The following ACACA variants were observed in gnomAD, a reference collection of about 807,000 sequenced individuals.
ACACA encodes the protein acetyl-CoA carboxylase alpha.
ACACA carries 103 observed loss-of-function variants against 296.1 expected under a neutral mutation model. The observed-to-expected ratio is 0.35, with a 90% CI of 0.30 to 0.41. ACACA has a LOEUF of 0.41. Ranked by LOEUF, ACACA falls within the 10% of genes least tolerant of loss-of-function variation. ACACA has a pLI of 1.00. For missense variants in ACACA, 1,554 were observed against 2,989.7 expected, an observed-to-expected ratio of 0.52 and a Z score of 11.20; for synonymous variants, 953 against 1,038.6, an observed-to-expected ratio of 0.92 and a Z score of 1.58.
intron 3 of ACACA, among the ~76,000 whole-genome samples, chr17:37,314,061 GGTAGATATTTCCCTAA>G (rs1399374615): frequency 6.6e-6 from 1 of 151,440 alleles, no homozygotes; most frequent in Non-Finnish European, 1.5e-5. Flanking sequence ...AAAAGAATGA[GGTAGATATTTCCCTAA>G]GACATATTTC....
At chr17:37,161,636 G>A (rs2076465320) in intron 42 of ACACA, 145 bp downstream of exon 42, 1 of 974,926 alleles carries the variant, frequency 1.0e-6, no homozygotes, top group East Asian at 2.6e-5. Context: ...GTGTCTTAAG[G>A]AATTTTCACA....
chr17:37,151,577 T>A (rs1004704756), intron 43 of ACACA, among the ~76,000 whole-genome samples, 156 bp from the exon 44 acceptor site: 1 of 152,266 alleles, frequency 6.6e-6, no homozygotes, highest in Non-Finnish European at 1.5e-5. Context: ...TTCATTCATA[T>A]GTCTTTCCTT....
chr17:37,355,672 A>G lies in ACACA; in HGVS notation c.39-15822T>C, dbSNP rs553628947. ...GGAGTTCGAGACCAGCCTGACCAACATGGAGAAACCCCATCTCTACTAAAA... is the reference window on the plus strand; with the variant it reads ...GGAGTTCGAGACCAGCCTGACCAACGTGGAGAAACCCCATCTCTACTAAAA... On this transcript the variant is annotated intron_variant, in intron 1 of 55. Coordinates refer to ENST00000616317, the MANE Select transcript of ACACA (RefSeq NM_198834.3). 3.3e-5 allele frequency among the ~76,000 whole-genome samples: 5 copies of G among 152,052 alleles called. No homozygotes were observed. In the South Asian group the frequency reaches 1.0e-3, roughly 32 times the overall value.
intron 9 of ACACA, among the ~76,000 whole-genome samples, chr17:37,271,290 C>T (rs1383359065): frequency 5.3e-5 from 8 of 152,142 alleles, no homozygotes; most frequent in Non-Finnish European, 8.8e-5. Flanking sequence ...CCAAGGCGGG[C>T]GGATCACCTG....
At position 37,240,543 on chromosome 17, in the gene ACACA, G is replaced by A. The variant is rs2080343116; in HGVS notation, c.3054C>T (p.Gly1018=). The change falls in exon 24 of 56, where the codon GGC becomes GGT. Residue 1018 remains glycine, a synonymous_variant. Transcript: ENST00000616317. ...LVQRYRSGIR[G]HMKAVVMDLL... ...GATCCATCACCACAGCCTTCATGTG[G>A]CCTCGGATGCCACTTCGGTACCTAG... 2 of 1,613,154 alleles carry A rather than the reference G, an allele frequency of 1.2e-6. No homozygotes were observed. Among genetic ancestry groups the A allele is most frequent in the South Asian group, 2.2e-5 (2 of 91,000 alleles).
intron 3 of ACACA, among the ~76,000 whole-genome samples, chr17:37,290,278 G>A (rs932277626): frequency 6.6e-6 from 1 of 152,098 alleles, no homozygotes; most frequent in Non-Finnish European, 1.5e-5. Flanking sequence ...CAACTTCCTG[G>A]TCTCAAGTGA....
chr17:37,262,164 C>T (rs2081542794), intron 11 of ACACA, among the ~76,000 whole-genome samples: 1 of 152,146 alleles, frequency 6.6e-6, no homozygotes, highest in Non-Finnish European at 1.5e-5. Context: ...AAATGCCCTC[C>T]AGTGACTTTT....
intron 3 of ACACA, among the ~76,000 whole-genome samples, chr17:37,297,546 T>TAC (rs35720275): frequency 0.31 from 47,051 of 150,090 alleles, 9,085 homozygotes; most frequent in African/African-American, 0.54. Context: ...TATATATATA[T>TAC]ACACTTTTTT....
intron 10 of ACACA, among the ~76,000 whole-genome samples, chr17:37,268,743 A>AGATATATATATATATATATATATC (rs1555623093): frequency 2.0e-5 from 2 of 102,070 alleles, no homozygotes; most frequent in Non-Finnish European, 4.3e-5. Flanking sequence ...CTATCTATCT[A>AGATATATATATATATATATATATC]TATATATATA....
intron 3 of ACACA, among the ~76,000 whole-genome samples, chr17:37,314,549 T>C (rs1026515303): frequency 4.9e-4 from 75 of 151,794 alleles, no homozygotes; most frequent in Non-Finnish European, 8.1e-4. Flanking sequence ...CAGACTCTCC[T>C]GGAAAGTATT....
intron 45 of ACACA, among the ~76,000 whole-genome samples, chr17:37,149,044 TGC>T (rs1388786910): frequency 1.3e-5 from 2 of 152,222 alleles, no homozygotes; most frequent in Non-Finnish European, 2.9e-5. Flanking sequence ...AATTTTCCTA[TGC>T]TTGCAAAGAT....
At chr17:37,368,485 G>C (rs994050914) in intron 1 of ACACA, among the ~76,000 whole-genome samples, 9 of 151,974 alleles carry the variant, frequency 5.9e-5, no homozygotes, top group African/African-American at 1.9e-4. Context: ...GGAAGCTGAA[G>C]GAGGAGAATC....
Position 37,257,689 on chromosome 17 carries a change from G to A in ACACA, c.1826+14C>T, listed in dbSNP as rs776032820. 3.7e-6 allele frequency: 6 copies of A among 1,613,060 alleles called. No individual in the cohort carries two copies. The highest frequency in any genetic ancestry group is 5.1e-6 in the Non-Finnish European group (6 of 1,179,478). ...TTTATTTTGTAAAATGCAATCAAAT[G>A]CTATTATACTCACGAAATTGCCTCT... On this transcript the variant is annotated intron_variant, in intron 14 of 55. Transcript: ENST00000616317.
intron 1 of ACACA, among the ~76,000 whole-genome samples, chr17:37,391,265 C>T (rs2050872625): frequency 6.6e-6 from 1 of 152,082 alleles, no homozygotes; most frequent in Non-Finnish European, 1.5e-5. Context: ...AGATAGCAAT[C>T]TTATATACAT....
chr17:37,269,997 T>A (rs886352365), intron 10 of ACACA, among the ~76,000 whole-genome samples: 1 of 152,164 alleles, frequency 6.6e-6, no homozygotes, highest in Non-Finnish European at 1.5e-5. Context: ...GAGACCCCTG[T>A]CTCCCTTTTC....
chr17:37,219,133 G>A (rs1257532882), intron 29 of ACACA, among the ~76,000 whole-genome samples: 1 of 152,206 alleles, frequency 6.6e-6, no homozygotes, highest in East Asian at 1.9e-4. Flanking sequence ...AGGGGAGATT[G>A]AGTTTAATCA....
chr17:37,344,742 C>T (rs1017958546), intron 1 of ACACA, among the ~76,000 whole-genome samples: 2 of 151,780 alleles, frequency 1.3e-5, no homozygotes, highest in Non-Finnish European at 1.5e-5. Flanking sequence ...GGTAAACTTA[C>T]GATCAACACA....
chr17:37,307,589 TTTG>T (rs894209051), intron 3 of ACACA, among the ~76,000 whole-genome samples: 1 of 152,076 alleles, frequency 6.6e-6, no homozygotes, highest in African/African-American at 2.4e-5. Flanking sequence ...TTCTTATTGT[TTTG>T]TTTTGTTTTG....
intron 17 of ACACA, 95 bp from the exon 18 acceptor site, chr17:37,248,251 T>C: frequency 2.0e-6 from 3 of 1,481,436 alleles, no homozygotes; most frequent in Non-Finnish European, 2.8e-6. Context: ...GAAAGATCTG[T>C]CAGGAGGAAG....
Sources: allele counts gnomAD v4.1 joint callset (sites outside exome capture counted in the v4.1 genomes callset), GRCh38; gene constraint gnomAD v4.1.1; transcripts MANE v1.5; gene names NCBI Gene and HGNC (gene_info 2026-07-23, HGNC 2026-07-21).